RNLS: variants seen among roughly 807,000 people sequenced by gnomAD.
The protein encoded by RNLS is renalase.
A neutral mutation model predicts 39.8 loss-of-function variants in RNLS; 39 were observed. That is an observed-to-expected ratio of 0.98 (90% CI 0.76 to 1.28). The LOEUF (loss-of-function observed/expected upper bound fraction) is 1.28. RNLS is among the 50% of genes most tolerant of loss of function. The pLI, the probability that RNLS is intolerant of heterozygous loss-of-function variation, is 0.00. For synonymous variants in RNLS, 147 were observed against 150.7 expected, an observed-to-expected ratio of 0.98 and a Z score of 0.18; for missense variants, 410 against 413.3, an observed-to-expected ratio of 0.99 and a Z score of 0.07.
rs79773101 is a variant in RNLS at position 88,370,395 on chromosome 10, T to A, written c.527-7670A>T. ...AAATGCTGCTCACATTGATACTTGG[T>A]GCTCAAAGCCTTTAAGCTCCCACCA... On this transcript the variant is annotated intron_variant, in intron 4 of 6. Transcript: ENST00000331772. 2.1e-3 allele frequency among the ~76,000 whole-genome samples: 321 copies of A among 152,288 alleles called. 1 individual carries two copies. Among genetic ancestry groups the A allele is most frequent in the African/African-American group, 7.4e-3 (309 of 41,560 alleles).
At chr10:88,296,387 T>G (rs957742024) in intron 6 of RNLS, among the ~76,000 whole-genome samples, 5 of 152,152 alleles carry the variant, frequency 3.3e-5, no homozygotes, top group Admixed American at 2.0e-4. Flanking sequence ...TCGATTTTTC[T>G]GCATTTCATC....
intron 4 of RNLS, among the ~76,000 whole-genome samples, chr10:88,418,364 C>T (rs577227282): frequency 1.2e-3 from 188 of 152,222 alleles, no homozygotes; most frequent in Non-Finnish European, 2.3e-3. Context: ...TGGATCTAAC[C>T]TTGACTCCTA....
chr10:88,191,575 G>T, the RNLS span, among the ~76,000 whole-genome samples: 1 of 152,124 alleles, frequency 6.6e-6, no homozygotes, highest in South Asian at 2.1e-4. Flanking sequence ...CTTTATTAAA[G>T]AAACCAAATG....
chr10:88,362,437 G>T, intron 5 of RNLS, 115 bp downstream of exon 5: 4 of 898,866 alleles, frequency 4.5e-6, no homozygotes, highest in Middle Eastern at 7.0e-4. Flanking sequence ...ATCCCCTGTG[G>T]CTTGGAGTTA....
chr10:88,469,923 TATAC>T (rs147829949), intron 4 of RNLS, among the ~76,000 whole-genome samples: 44,332 of 150,808 alleles, frequency 0.29, 7,894 homozygotes, highest in East Asian at 0.45. Flanking sequence ...CATACATATA[TATAC>T]AAAGTATATG....
intron 5 of RNLS, among the ~76,000 whole-genome samples, chr10:88,321,060 T>C (rs1846152483): frequency 6.6e-6 from 1 of 151,798 alleles, no homozygotes; most frequent in African/African-American, 2.4e-5. Context: ...ATATAGCAAA[T>C]CTTAATACAT....
intron 4 of RNLS, among the ~76,000 whole-genome samples, chr10:88,438,296 A>G (rs1042044134): frequency 1.1e-4 from 17 of 152,166 alleles, no homozygotes; most frequent in African/African-American, 4.1e-4. Context: ...AAATAGAAAG[A>G]ACCTGGAGCA....
intron 4 of RNLS, among the ~76,000 whole-genome samples, chr10:88,557,160 C>T (rs1040525967): frequency 2.0e-5 from 3 of 152,108 alleles, no homozygotes; most frequent in Admixed American, 6.6e-5. Context: ...TTTTCATATG[C>T]ATTTGGCAAG....
Position 88,493,267 on chromosome 10 carries a change from A to C in RNLS, c.526+79636T>G, listed in dbSNP as rs74950013. Among the ~76,000 whole-genome samples the C allele has an allele frequency of 5.6e-3, 849 of 152,156 alleles. 6 individuals are homozygous for C. Among genetic ancestry groups the C allele is most frequent in the African/African-American group, 0.019 (801 of 41,532 alleles). ...TAATTTTTTTCCATCAATGATGGAA[A>C]ATTTTTCTGATAATCTAGCAAAGTA... On this transcript the variant is annotated intron_variant, in intron 4 of 6. Coordinates refer to ENST00000331772, the MANE Select transcript of RNLS (RefSeq NM_001031709.3).
intron 4 of RNLS, among the ~76,000 whole-genome samples, chr10:88,505,088 C>A (rs562766796): frequency 6.6e-6 from 1 of 151,758 alleles, no homozygotes; most frequent in African/African-American, 2.4e-5. Context: ...CCCCAAAAAC[C>A]CAGATATTGG....
intron 4 of RNLS, among the ~76,000 whole-genome samples, chr10:88,494,454 T>C (rs534756169): frequency 6.6e-6 from 1 of 152,320 alleles, no homozygotes; most frequent in Non-Finnish European, 1.5e-5. Context: ...TTCTGTAATG[T>C]AATGGAACCA....
intron 4 of RNLS, among the ~76,000 whole-genome samples, chr10:88,531,415 G>A (rs754574362): frequency 6.6e-6 from 1 of 151,866 alleles, no homozygotes; most frequent in Non-Finnish European, 1.5e-5. Context: ...TTGAGCATTT[G>A]AAAAACCCCC....
At chr10:88,174,238 A>T in the RNLS span, among the ~76,000 whole-genome samples, 201 of 148,508 alleles carry the variant, frequency 1.4e-3, 2 homozygotes, top group African/African-American at 4.5e-3. Flanking sequence ...AATGCTCTTC[A>T]TTTTTTTTTT....
intron 4 of RNLS, among the ~76,000 whole-genome samples, chr10:88,376,681 A>G (rs564911077): frequency 4.8e-4 from 73 of 152,242 alleles, no homozygotes; most frequent in African/African-American, 1.6e-3. Context: ...TCAGAATGGG[A>G]TTACACTCAC....
At position 88,418,101 on chromosome 10, in the gene RNLS, A is replaced by G. The variant is rs11202745; in HGVS notation, c.527-55376T>C. Among the ~76,000 whole-genome samples the G allele has an allele frequency of 6.6e-3, 941 of 141,812 alleles. 8 individuals carry two copies. The highest frequency in any genetic ancestry group is 0.022 in the African/African-American group (843 of 38,610). The allele number at this position is 141,812 out of a possible 152,430, so 93.0% of individuals were successfully genotyped here. A position where few individuals can be genotyped will look rare whatever the true frequency, so the allele number is the denominator to read the frequency against. On this transcript the variant is annotated intron_variant, in intron 4 of 6. Transcript: ENST00000331772. ...TTTGTCTTTTTTTTTTTTTTTTTAA[A>G]TTCCTAGGTGGAGATGTAGGAAGAA...
intron 4 of RNLS, among the ~76,000 whole-genome samples, chr10:88,407,815 G>A (rs894814113): frequency 6.6e-6 from 1 of 152,044 alleles, no homozygotes; most frequent in Non-Finnish European, 1.5e-5. Context: ...TGTAGCACAT[G>A]GAAATCTCTT....
chr10:88,198,158 C>G, the RNLS span, among the ~76,000 whole-genome samples: 1 of 152,224 alleles, frequency 6.6e-6, no homozygotes, highest in African/African-American at 2.4e-5. Context: ...TCACTCTGCT[C>G]TCCTGGGTAG....
chr10:88,186,572 T>C, the RNLS span, among the ~76,000 whole-genome samples: 1 of 152,240 alleles, frequency 6.6e-6, no homozygotes, highest in East Asian at 1.9e-4. Flanking sequence ...AGACACCCAT[T>C]CAGTGCCATA....
intron 3 of RNLS, among the ~76,000 whole-genome samples, chr10:88,575,374 G>A (rs761330762): frequency 2.2e-4 from 33 of 150,998 alleles, no homozygotes; most frequent in Admixed American, 2.0e-3. Context: ...GCCCCAACCC[G>A]ACCATACTGA....
Sources: gnomAD v4.1 joint callset for allele counts (sites outside exome capture counted in the v4.1 genomes callset) on GRCh38, gnomAD v4.1.1 for gene constraint, MANE v1.5 for transcripts, NCBI Gene and HGNC (gene_info 2026-07-23, HGNC 2026-07-21) for gene names.